Variants in TMC1 observed in about 807,000 individuals in gnomAD.
TMC1 encodes transmembrane channel-like protein 1.
A neutral mutation model predicts 105.8 loss-of-function variants in TMC1; 84 were observed. That is an observed-to-expected ratio of 0.79 (90% CI 0.67 to 0.95). TMC1 has a LOEUF of 0.95. TMC1 is among the 40% of genes least tolerant of loss of function. The probability of loss-of-function intolerance (pLI) is 0.00; values close to 1 mark genes in which losing one functional copy is unlikely to be tolerated. For synonymous variants in TMC1, 315 were observed against 311.5 expected, an observed-to-expected ratio of 1.01 and a Z score of -0.12; for missense variants, 817 against 914.1, an observed-to-expected ratio of 0.89 and a Z score of 1.37.
chr9:72,552,385 AT>A (rs2132072832), intron 1 of TMC1, among the ~76,000 whole-genome samples: 1 of 152,300 alleles, frequency 6.6e-6, no homozygotes, highest in Non-Finnish European at 1.5e-5. Context: ...ACTTGTAAGC[AT>A]TAAAGACCTG....
At chr9:72,583,615 G>A (rs1824506607) in intron 2 of TMC1, among the ~76,000 whole-genome samples, 2 of 152,176 alleles carry the variant, frequency 1.3e-5, no homozygotes, top group Non-Finnish European at 2.9e-5. Context: ...TCAAGCAATG[G>A]CATGTTTTCT....
chr9:72,688,455 A>G (rs929231040), intron 5 of TMC1, among the ~76,000 whole-genome samples: 2 of 152,154 alleles, frequency 1.3e-5, no homozygotes, highest in African/African-American at 4.8e-5. Context: ...ATAGCTTATA[A>G]CTTTGAATTG....
chr9:72,784,631 C>T (rs918759022), intron 13 of TMC1, among the ~76,000 whole-genome samples: 2 of 152,158 alleles, frequency 1.3e-5, no homozygotes, highest in African/African-American at 4.8e-5. Context: ...TATAAAGACA[C>T]ATGTACTCAT....
At chr9:72,615,756 T>TA (rs1023652331) in intron 2 of TMC1, among the ~76,000 whole-genome samples, 8 of 150,526 alleles carry the variant, frequency 5.3e-5, no homozygotes, top group South Asian at 2.1e-4. Context: ...CTTTCTTATT[T>TA]TTTTTTTTTT....
chr9:72,687,163 C>G (rs1269978853), intron 5 of TMC1, among the ~76,000 whole-genome samples: 11 of 152,128 alleles, frequency 7.2e-5, no homozygotes. Flanking sequence ...ATAATCATCA[C>G]AAATCATCCT....
At chr9:72,660,503 T>C (rs1825955869) in intron 5 of TMC1, among the ~76,000 whole-genome samples, 1 of 152,222 alleles carries the variant, frequency 6.6e-6, no homozygotes, top group African/African-American at 2.4e-5. Flanking sequence ...TTTCTACATC[T>C]GTTCCAACTC....
intron 18 of TMC1, among the ~76,000 whole-genome samples, chr9:72,814,294 G>C (rs1828748291): frequency 6.6e-6 from 1 of 152,278 alleles, no homozygotes; most frequent in East Asian, 1.9e-4. Flanking sequence ...CAGGGGAAAA[G>C]TGCTGAAGAT....
chr9:72,727,521 G>A (rs1827143024), intron 8 of TMC1, among the ~76,000 whole-genome samples: 1 of 151,884 alleles, frequency 6.6e-6, no homozygotes, highest in Non-Finnish European at 1.5e-5. Context: ...GCTATGTATA[G>A]CAATCTATAA....
intron 8 of TMC1, among the ~76,000 whole-genome samples, chr9:72,705,708 A>G (rs1215734710): frequency 6.6e-6 from 1 of 152,240 alleles, no homozygotes; most frequent in African/African-American, 2.4e-5. Flanking sequence ...CTAACATTTC[A>G]TGAGTCTACA....
chr9:72,540,119 C>G (rs72729193), intron 1 of TMC1, among the ~76,000 whole-genome samples: 65 of 152,274 alleles, frequency 4.3e-4, no homozygotes, highest in Non-Finnish European at 7.6e-4. Flanking sequence ...GGTCATTAAT[C>G]TATTCATGAG....
chr9:72,755,071 G>GGAGA lies in TMC1; in HGVS notation c.741+210_741+213dup, dbSNP rs55848138. On this transcript the variant is annotated intron_variant, in intron 12 of 23. Transcript: ENST00000297784. ...GAGAGAGAGGGAGGGAGGGAGGGAG[G>GGAGA]GAGAGAGAGAGAGAGAGAGAGAGAG... Among the ~76,000 whole-genome samples the GGAGA allele has an allele frequency of 3.1e-3, 396 of 126,970 alleles. 1 individual carries two copies. The highest frequency in any genetic ancestry group is 5.6e-3 in the African/African-American group (187 of 33,498). 83.3% of individuals were successfully genotyped at this position (126,970 alleles called of 152,430 possible). A position where few individuals can be genotyped will look rare whatever the true frequency, so the allele number is the denominator to read the frequency against.
At chr9:72,707,203 T>C (rs1362758896) in intron 8 of TMC1, among the ~76,000 whole-genome samples, 1 of 152,272 alleles carries the variant, frequency 6.6e-6, no homozygotes, top group East Asian at 1.9e-4. Flanking sequence ...AATTGTGAAT[T>C]CTGCTGCTAT....
At chr9:72,800,325 C>T (rs1033175368) in intron 17 of TMC1, among the ~76,000 whole-genome samples, 7 of 152,144 alleles carry the variant, frequency 4.6e-5, no homozygotes, top group Non-Finnish European at 8.8e-5. Context: ...GTTTTAGAAA[C>T]TGAAGGAATT....
intron 8 of TMC1, 90 bp downstream of exon 8, chr9:72,700,733 T>TACACACACACAC (rs1309268057): frequency 5.2e-5 from 9 of 172,370 alleles, no homozygotes; most frequent in Non-Finnish European, 8.2e-5. Flanking sequence ...TATATATATA[T>TACACACACACAC]ATATATATAT....
intron 5 of TMC1, among the ~76,000 whole-genome samples, chr9:72,662,186 TTTTTC>T (rs1414764002): frequency 2.2e-5 from 3 of 137,348 alleles, no homozygotes; most frequent in African/African-American, 5.8e-5. Context: ...TTTCTTTTTC[TTTTTC>T]TTTTTTTTTT....
intron 11 of TMC1, among the ~76,000 whole-genome samples, chr9:72,752,883 G>T (rs1827603394): frequency 6.6e-6 from 1 of 152,088 alleles, no homozygotes; most frequent in South Asian, 2.1e-4. Context: ...CATTCATAAA[G>T]AGATTTGAGC....
Position 72,826,933 on chromosome 9 carries a change from G to A in TMC1, c.2068G>A (p.Ala690Thr), listed in dbSNP as rs397517838. ...GGAGCACGATTTCCCAAGCTGGATG[G>A]CGAAGATCTTGAGACAGCTTTCAAA... is the stretch of plus-strand genomic sequence containing the variant. Reference protein sequence around the residue: ...TLEHDFPSWMAKILRQLSNPG... With the variant: ...TLEHDFPSWMTKILRQLSNPG... The change falls in exon 21 of 24, where the codon GCG (alanine) becomes ACG (threonine). Residue 690 changes from alanine (A) to threonine (T), a missense_variant. By Grantham distance (58) the Ala-to-Thr change is moderately conservative. Coordinates refer to ENST00000297784, the MANE Select transcript of TMC1 (RefSeq NM_138691.3). 1.2e-6 allele frequency: 2 copies of A among 1,613,952 alleles called. No individual in the cohort carries two copies. The highest frequency in any genetic ancestry group is 1.7e-6 in the Non-Finnish European group (2 of 1,179,970).
intron 4 of TMC1, among the ~76,000 whole-genome samples, chr9:72,630,452 C>T (rs534348769): frequency 1.3e-5 from 2 of 152,194 alleles, no homozygotes; most frequent in Admixed American, 1.3e-4. Context: ...TTCAATAGCA[C>T]TAGGTTTGGT....
At chr9:72,689,974 A>G (rs901937092) in intron 6 of TMC1, among the ~76,000 whole-genome samples, 2 of 152,058 alleles carry the variant, frequency 1.3e-5, no homozygotes, top group African/African-American at 2.4e-5. Flanking sequence ...ATAGAGCAAG[A>G]CTAACTTTTG....
Sources: gnomAD v4.1 joint callset for allele counts (sites outside exome capture counted in the v4.1 genomes callset) on GRCh38, gnomAD v4.1.1 for gene constraint, MANE v1.5 for transcripts, NCBI Gene and HGNC (gene_info 2026-07-23, HGNC 2026-07-21) for gene names.